The following PAPPA2 variants were observed in gnomAD, a reference collection of about 807,000 sequenced individuals.
PAPPA2 encodes the protein pappalysin-2.
A neutral mutation model predicts 176.4 loss-of-function variants in PAPPA2; 86 were observed. That is an observed-to-expected ratio of 0.49 (90% CI 0.41 to 0.58). The LOEUF (loss-of-function observed/expected upper bound fraction) is 0.58, where lower values mean the gene tolerates loss of function less well. Among genes scored for constraint, PAPPA2 ranks in the 20% least tolerant of loss-of-function variants. The pLI is 0.00. For synonymous variants in PAPPA2, 809 were observed against 852.2 expected (o/e 0.95, Z 0.88); for missense variants, 2,073 against 2,256.9 (o/e 0.92, Z 1.65).
chr1:176,663,210 GT>G (rs1658448567), intron 3 of PAPPA2, among the ~76,000 whole-genome samples: 1 of 152,142 alleles, frequency 6.6e-6, no homozygotes, highest in Non-Finnish European at 1.5e-5. Context: ...GCACAGGAGA[GT>G]TTCATTTCTA....
rs1237027073 is a variant in PAPPA2 at position 176,710,172 on chromosome 1, C to G, written c.3647C>G (p.Ser1216Cys). The G allele has an allele frequency of 1.2e-6, 2 of 1,613,036 alleles. No homozygotes were observed. The highest frequency in any genetic ancestry group is 1.3e-5 in the African/African-American group (1 of 74,980). The change falls in exon 11 of 23, where the codon TCC (serine) becomes TGC (cysteine). Residue 1216 changes from serine to cysteine, a missense_variant. Coordinates refer to ENST00000367662, the MANE Select transcript of PAPPA2 (RefSeq NM_020318.3). ...PVSLVTGEPH[S>C]LICTSYHPDL... ...TCCTTGGTAACTGGAGAACCTCATTCCCTAGTAAGTTAAGCCAGATGAATA... is the reference window on the plus strand; with the variant it reads ...TCCTTGGTAACTGGAGAACCTCATTGCCTAGTAAGTTAAGCCAGATGAATA...
chr1:176,801,332 C>CAA (rs1312173786), intron 21 of PAPPA2, among the ~76,000 whole-genome samples: 5 of 152,122 alleles, frequency 3.3e-5, no homozygotes, highest in African/African-American at 1.2e-4. Context: ...CACACCCAAC[C>CAA]CACATGCATG....
chr1:176,516,578 A>C (rs1410525595), intron 1 of PAPPA2, among the ~76,000 whole-genome samples: 3 of 152,136 alleles, frequency 2.0e-5, no homozygotes, highest in Non-Finnish European at 4.4e-5. Flanking sequence ...CAGTGCCCTT[A>C]TAAAAGAGCT....
chr1:176,609,324 T>C (rs1438808349), intron 3 of PAPPA2, among the ~76,000 whole-genome samples: 3 of 152,216 alleles, frequency 2.0e-5, no homozygotes, highest in Non-Finnish European at 2.9e-5. Flanking sequence ...CAGTGTGGTA[T>C]ACAGCAGTGA....
intron 14 of PAPPA2, among the ~76,000 whole-genome samples, chr1:176,762,521 C>A (rs1663745747): frequency 6.6e-6 from 1 of 152,206 alleles, no homozygotes. Context: ...ACCCTGACTT[C>A]TTTCCAATAA....
intron 16 of PAPPA2, among the ~76,000 whole-genome samples, chr1:176,770,319 G>T (rs1486199413): frequency 6.6e-6 from 1 of 152,132 alleles, no homozygotes; most frequent in African/African-American, 2.4e-5. Context: ...TGAGTCTGGG[G>T]TGAGATAATG....
At chr1:176,842,268 G>T in intron 22 of PAPPA2, 112 bp from the exon 23 acceptor site, 1 of 921,634 alleles carries the variant, frequency 1.1e-6, no homozygotes, top group Admixed American at 2.3e-5. Context: ...TTGTGATATT[G>T]GCACATAATT....
rs1653939830 is a variant in PAPPA2, at chr1:176,595,660, T to G, written c.1991+65T>G. On this transcript the variant is annotated intron_variant, in intron 3 of 22. Transcript: ENST00000367662. ...CATTTCTAACATCATTTTATCTGTTTGGTTTTGGAGGCAAATGTGTTCACA... is the reference window on the plus strand; with the variant it reads ...CATTTCTAACATCATTTTATCTGTTGGGTTTTGGAGGCAAATGTGTTCACA... 10 of 1,483,068 alleles carry G rather than the reference T, an allele frequency of 6.7e-6. No individual in the cohort carries two copies. The South Asian group carries it at 1.3e-4, about 19-fold the overall frequency. 91.9% of individuals were successfully genotyped at this position (1,483,068 alleles called of 1,614,324 possible).
At chr1:176,584,699 A>C (rs971831338) in intron 2 of PAPPA2, among the ~76,000 whole-genome samples, 1 of 148,528 alleles carries the variant, frequency 6.7e-6, no homozygotes, top group Non-Finnish European at 1.5e-5. Context: ...TATGTTTGGC[A>C]TGGTTTTCTG....
At chr1:176,517,729 T>C (rs1558413080) in intron 1 of PAPPA2, among the ~76,000 whole-genome samples, 1 of 152,052 alleles carries the variant, frequency 6.6e-6, no homozygotes, top group Non-Finnish European at 1.5e-5. Flanking sequence ...TTGGAATCAC[T>C]CACCACCGGA....
intron 3 of PAPPA2, among the ~76,000 whole-genome samples, chr1:176,650,523 A>G (rs1343972607): frequency 1.3e-5 from 2 of 151,462 alleles, no homozygotes; most frequent in Non-Finnish European, 3.0e-5. Flanking sequence ...CTTGTCATTT[A>G]CATTAGGTAT....
chr1:176,532,991 T>C (rs950532987), intron 1 of PAPPA2, among the ~76,000 whole-genome samples: 4 of 152,236 alleles, frequency 2.6e-5, no homozygotes, highest in African/African-American at 9.6e-5. Context: ...ATCAGGATTG[T>C]TGAGGTTTCT....
At position 176,792,563 on chromosome 1, in the gene PAPPA2, C is replaced by T. The variant is rs562021762; in HGVS notation, c.5021-997C>T. On this transcript the variant is annotated intron_variant, in intron 19 of 22. Transcript: ENST00000367662. ...TATCATATACTCACATATCTAGAGGCCTTAAGAGGAATGTAGTTCTTTTGA... is the reference window on the plus strand; with the variant it reads ...TATCATATACTCACATATCTAGAGGTCTTAAGAGGAATGTAGTTCTTTTGA... 1.1e-4 allele frequency among the ~76,000 whole-genome samples: 16 copies of T among 152,208 alleles called. No individual in the cohort carries two copies. The East Asian group carries it at 2.9e-3, about 28-fold the overall frequency.
intron 4 of PAPPA2, among the ~76,000 whole-genome samples, chr1:176,678,303 A>G (rs990680343): frequency 2.6e-5 from 4 of 152,216 alleles, no homozygotes; most frequent in Non-Finnish European, 5.9e-5. Flanking sequence ...TAATTGGGGC[A>G]TATAATTTTA....
chr1:176,840,407 T>C (rs1667443649), intron 22 of PAPPA2, 136 bp downstream of exon 22: 1 of 681,116 alleles, frequency 1.5e-6, no homozygotes, highest in Non-Finnish European at 2.5e-6. Context: ...TGAACAAACA[T>C]TGGAGCTTCT....
At chr1:176,636,492 G>A (rs1656707075) in intron 3 of PAPPA2, among the ~76,000 whole-genome samples, 1 of 152,128 alleles carries the variant, frequency 6.6e-6, no homozygotes, top group African/African-American at 2.4e-5. Context: ...AAATGAATTT[G>A]ACATGGCTTG....
At chr1:176,538,713 C>T (rs564428177) in intron 1 of PAPPA2, among the ~76,000 whole-genome samples, 8 of 152,266 alleles carry the variant, frequency 5.3e-5, no homozygotes, top group African/African-American at 1.7e-4. Context: ...CACACTCAGG[C>T]AATCTCCTTT....
chr1:176,694,793 G>T (rs1028259286), intron 6 of PAPPA2, among the ~76,000 whole-genome samples: 1 of 152,234 alleles, frequency 6.6e-6, no homozygotes, highest in East Asian at 1.9e-4. Context: ...CAGAGGGACT[G>T]CTGGGTCCAA....
At chr1:176,496,258 C>A (rs1647614858) in intron 1 of PAPPA2, among the ~76,000 whole-genome samples, 1 of 151,866 alleles carries the variant, frequency 6.6e-6, no homozygotes. Context: ...TGGGTAGTAG[C>A]CATTTTTTTC....
Sources: gnomAD v4.1 joint callset for allele counts (sites outside exome capture counted in the v4.1 genomes callset) on GRCh38, gnomAD v4.1.1 for gene constraint, MANE v1.5 for transcripts, NCBI Gene and HGNC (gene_info 2026-07-23, HGNC 2026-07-21) for gene names.